The following SERPINB13 variants were observed in gnomAD, a reference collection of about 807,000 sequenced individuals.
SERPINB13 encodes the protein serpin family B member 13.
Under a neutral mutation model 31.2 loss-of-function variants are expected in SERPINB13, and 26 were observed. That is an observed-to-expected ratio of 0.83 (90% confidence interval 0.61 to 1.15). The LOEUF is 1.15. SERPINB13 is among the 50% of genes most tolerant of loss of function. The pLI, the probability that SERPINB13 is intolerant of heterozygous loss-of-function variation, is 0.00. For missense variants in SERPINB13, 510 were observed against 469.4 expected, an observed-to-expected ratio of 1.09 and a Z score of -0.80; for synonymous variants, 191 against 172.4, an observed-to-expected ratio of 1.11 and a Z score of -0.85.
intron 3 of SERPINB13, among the ~76,000 whole-genome samples, chr18:63,590,485 G>T (rs189109523): frequency 2.6e-5 from 4 of 152,182 alleles, no homozygotes; most frequent in Non-Finnish European, 5.9e-5. Context: ...AGGCTAGGTC[G>T]TGTGGGTGGC....
chr18:63,597,074 T>G lies in SERPINB13; in HGVS notation c.887T>G (p.Leu296Arg). ...PRFEVEDGYD[L>R]EAVLAAMGMG... ...TTTGAGGTGGAGGACGGTTACGATC[T>G]AGAGGCGGTCCTGGCTGCCATGGGG... The change falls in exon 8 of 8, where the codon CTA becomes CGA. Residue 296 changes from leucine (L) to arginine (R), a missense_variant. Coordinates refer to ENST00000344731, the MANE Select transcript of SERPINB13 (RefSeq NM_012397.4). 2 of 1,614,196 alleles carry G rather than the reference T, an allele frequency of 1.2e-6. No individual in the cohort carries two copies. The highest frequency in any genetic ancestry group is 8.5e-7 in the Non-Finnish European group (1 of 1,180,014).
At chr18:63,593,708 GTT>G (rs11343134) in intron 5 of SERPINB13, among the ~76,000 whole-genome samples, 24 of 151,350 alleles carry the variant, frequency 1.6e-4, no homozygotes, top group African/African-American at 3.9e-4. Context: ...TTCAGAATGT[GTT>G]TTTTTTTTCC....
At chr18:63,594,277 C>T (rs1459568279) in intron 5 of SERPINB13, 78 bp from the exon 6 acceptor site, 3 of 1,591,752 alleles carry the variant, frequency 1.9e-6, no homozygotes, top group East Asian at 2.3e-5. Context: ...CAGTCAAGTC[C>T]ATCTGCATCA....
At position 63,593,074 on chromosome 18, in the gene SERPINB13, G is replaced by A. The variant is rs561191607; in HGVS notation, c.472+103G>A. On this transcript the variant is annotated intron_variant, in intron 5 of 7. Coordinates refer to ENST00000344731, the MANE Select transcript of SERPINB13 (RefSeq NM_012397.4). The stretch of plus-strand genomic sequence containing the variant: ...CTGCTGTGAATGAAGCCCTGGACTT[G>A]TCACTGCGTGGGGTGCCATGCAGTG... 8.0e-6 allele frequency: 6 copies of A among 749,906 alleles called. No homozygotes were observed. The Middle Eastern group carries it at 8.2e-4, about 102-fold the overall frequency. 46.5% of individuals were successfully genotyped at this position (749,906 alleles called of 1,614,324 possible). A position where few individuals can be genotyped will look rare whatever the true frequency, so the allele number is the denominator to read the frequency against.
Position 63,589,988 on chromosome 18 carries a change from G to A in SERPINB13, c.225+273G>A, listed in dbSNP as rs1911757108. The A allele has an allele frequency of 2.7e-5, 13 of 485,424 alleles. No homozygotes were observed. The South Asian group carries it at 5.9e-4, about 22-fold the overall frequency. 30.1% of individuals were successfully genotyped at this position (485,424 alleles called of 1,614,324 possible). A position where few individuals can be genotyped will look rare whatever the true frequency, so the allele number is the denominator to read the frequency against. On this transcript the variant is annotated intron_variant, in intron 3 of 7. Transcript: ENST00000344731. ...CTGGTAAAGGCTAATAGACAGAAAA[G>A]TTCCCATAGCAGAGTGGATGGGTTT...
In SERPINB13 at chr18:63,587,415, G is replaced by A. The variant is rs764686547; in HGVS notation, c.-53G>A. The A allele has an allele frequency of 3.2e-5, 15 of 470,800 alleles. No individual in the cohort carries two copies. Among genetic ancestry groups the A allele is most frequent in the South Asian group, 1.7e-4 (11 of 64,550 alleles). The allele number at this position is 470,800 out of a possible 1,614,324, so 29.2% of individuals were successfully genotyped here. A position where few individuals can be genotyped will look rare whatever the true frequency, so the allele number is the denominator to read the frequency against. ...TTAATTGACTTATGCTTCCTAGTTCGTTGCCCAGCCACCACCGTCTCTCCA... is the reference window on the plus strand; with the variant it reads ...TTAATTGACTTATGCTTCCTAGTTCATTGCCCAGCCACCACCGTCTCTCCA... On this transcript the variant is annotated 5_prime_UTR_variant, in exon 1 of 8. Transcript: ENST00000344731.
chr18:63,588,890 G>A (rs961534984), intron 2 of SERPINB13, 58 bp downstream of exon 2: 5 of 1,552,674 alleles, frequency 3.2e-6, no homozygotes, highest in Middle Eastern at 2.2e-4. Context: ...TTGGCGGGGG[G>A]GTTGTCAGCC....
At chr18:63,589,451 T>TCACACACACACACACACA (rs112829867) in intron 2 of SERPINB13, among the ~76,000 whole-genome samples, 11 of 111,890 alleles carry the variant, frequency 9.8e-5, no homozygotes, top group African/African-American at 3.1e-4. Context: ...CAAAACTCCA[T>TCACACACACACACACACA]CACACACACA....
chr18:63,588,560 C>T (rs566741536), intron 1 of SERPINB13, 91 bp from the exon 2 acceptor site: 20 of 1,307,624 alleles, frequency 1.5e-5, no homozygotes, highest in East Asian at 1.4e-4. Context: ...TATTCCGGAT[C>T]GATGCAAGAA....
At chr18:63,592,560 G>A (rs879911815) in intron 4 of SERPINB13, 84 bp downstream of exon 4, 81 of 1,385,782 alleles carry the variant, frequency 5.8e-5, no homozygotes, top group African/African-American at 7.2e-5. Context: ...TCCTGAAGTC[G>A]TGCTGCCTGG....
In SERPINB13 at chr18:63,592,440, C is replaced by T. The variant is rs1350743254; in HGVS notation, c.318C>T (p.Asn106=). ...ATGATTATGAACTGAACATAACCAA[C>T]AGGCTGTTTGGAGAAAAAACATACC... ...LTNDYELNIT[N]RLFGEKTYLF... The change falls in exon 4 of 8, where the codon AAC becomes AAT. Residue 106 remains asparagine, a synonymous_variant. Coordinates refer to ENST00000344731, the MANE Select transcript of SERPINB13 (RefSeq NM_012397.4). 1.4e-5 allele frequency: 22 copies of T among 1,613,228 alleles called. No individual in the cohort carries two copies. The highest frequency in any genetic ancestry group is 1.8e-5 in the Non-Finnish European group (21 of 1,179,644).
At chr18:63,590,090 T>C (rs2144391479) in intron 3 of SERPINB13, 1 of 174,870 alleles carries the variant, frequency 5.7e-6, no homozygotes, top group East Asian at 1.5e-4. Flanking sequence ...GTTATTTATC[T>C]TCTTTCAGCC....
At position 63,592,369 on chromosome 18, in the gene SERPINB13, C is replaced by G. The variant is rs1317214656; in HGVS notation, c.247C>G (p.His83Asp). 6.2e-7 allele frequency: 1 copy of G among 1,612,494 alleles called. No individual in the cohort carries two copies. Among genetic ancestry groups the G allele is most frequent in the South Asian group, 1.1e-5 (1 of 90,700 alleles). The part of the protein sequence containing the change: ...KEVIENTEAV[H>D]QQFQKFLTEI... ...CAAGATTGAGAACACAGAAGCAGTACATCAACAATTCCAAAAGTTTTTGAC... is the reference window on the plus strand; with the variant it reads ...CAAGATTGAGAACACAGAAGCAGTAGATCAACAATTCCAAAAGTTTTTGAC... Residue 83 changes from histidine (H) to aspartate (D), a missense_variant, in exon 4 of 8, where the codon CAT (histidine) becomes GAT (aspartate). Physicochemically the swap from His to Asp is moderately conservative, Grantham distance 81. Coordinates refer to ENST00000344731, the MANE Select transcript of SERPINB13 (RefSeq NM_012397.4).
At position 63,597,092 on chromosome 18, in the gene SERPINB13, C is replaced by A; in HGVS notation, c.905C>A (p.Ala302Asp). ...DGYDLEAVLA[A>D]MGMGDAFSEH... ...TACGATCTAGAGGCGGTCCTGGCTG[C>A]CATGGGGATGGGCGATGCCTTCAGT... Residue 302 changes from alanine (A) to aspartate (D), a missense_variant, in exon 8 of 8, where the codon GCC becomes GAC. Coordinates refer to ENST00000344731, the MANE Select transcript of SERPINB13 (RefSeq NM_012397.4). 6.2e-7 allele frequency: 1 copy of A among 1,614,196 alleles called. No individual in the cohort carries two copies. The highest frequency in any genetic ancestry group is 8.5e-7 in the Non-Finnish European group (1 of 1,180,022).
rs1472454197 is a variant in SERPINB13 at position 63,597,371 on chromosome 18, G to T, written c.*8G>T. 1.3e-6 allele frequency: 2 copies of T among 1,598,748 alleles called. No homozygotes were observed. The highest frequency in any genetic ancestry group is 3.4e-5 in the Admixed American group (2 of 59,206). Reference sequence around the variant, plus strand: ...AGATTTTCTTCTCCTTAAGATGATCGTTGCCATGGCATTGCTGCTTTTAGC... The same window carrying T: ...AGATTTTCTTCTCCTTAAGATGATCTTTGCCATGGCATTGCTGCTTTTAGC... On this transcript the variant is annotated 3_prime_UTR_variant, in exon 8 of 8. Transcript: ENST00000344731.
Position 63,597,595 on chromosome 18 carries a change from T to C in SERPINB13, c.*232T>C. On this transcript the variant is annotated 3_prime_UTR_variant, in exon 8 of 8. Coordinates refer to ENST00000344731, the MANE Select transcript of SERPINB13 (RefSeq NM_012397.4). ...TAAGGTGAGTCAAACCAAACCTCAT[T>C]GATAATCTCCCTTTGGTTTCCTTTG... 6.4e-6 allele frequency: 3 copies of C among 471,294 alleles called. No individual in the cohort carries two copies. The highest frequency in any genetic ancestry group is 3.7e-6 in the Non-Finnish European group (1 of 266,696). 29.2% of individuals were successfully genotyped at this position (471,294 alleles called of 1,614,324 possible).
In SERPINB13 at chr18:63,588,691, C is replaced by T; in HGVS notation, c.24C>T (p.Ser8=). 6.2e-7 allele frequency: 1 copy of T among 1,614,180 alleles called. No individual in the cohort carries two copies. Among genetic ancestry groups the T allele is most frequent in the Non-Finnish European group, 8.5e-7 (1 of 1,180,008 alleles). Reference sequence around the variant, plus strand: ...TCATGGATTCACTTGGCGCCGTCAGCACTCGACTTGGGTTTGATCTTTTCA... The same window carrying T: ...TCATGGATTCACTTGGCGCCGTCAGTACTCGACTTGGGTTTGATCTTTTCA... MDSLGAV[S]TRLGFDLFKE... The change falls in exon 2 of 8, where the codon AGC becomes AGT. Residue 8 remains serine, a synonymous_variant. Transcript: ENST00000344731.
intron 3 of SERPINB13, among the ~76,000 whole-genome samples, chr18:63,591,528 G>A (rs1301170956): frequency 2.6e-5 from 4 of 151,444 alleles, no homozygotes; most frequent in Non-Finnish European, 4.4e-5. Context: ...GCCTGGGTGA[G>A]AGTTTATCCA....
In SERPINB13 at chr18:63,597,584, C is replaced by T; in HGVS notation, c.*221C>T. ...TGTGCCATGCGTAAGGTGAGTCAAA[C>T]CAAACCTCATTGATAATCTCCCTTT... On this transcript the variant is annotated 3_prime_UTR_variant, in exon 8 of 8. Coordinates refer to ENST00000344731, the MANE Select transcript of SERPINB13 (RefSeq NM_012397.4). 2.0e-6 allele frequency: 1 copy of T among 500,468 alleles called. No homozygotes were observed. The highest frequency in any genetic ancestry group is 3.5e-6 in the Non-Finnish European group (1 of 285,446). The allele number at this position is 500,468 out of a possible 1,614,324, so 31.0% of individuals were successfully genotyped here.
Sources: allele counts gnomAD v4.1 joint callset (sites outside exome capture counted in the v4.1 genomes callset), GRCh38; gene constraint gnomAD v4.1.1; transcripts MANE v1.5; gene names NCBI Gene and HGNC (gene_info 2026-07-23, HGNC 2026-07-21).